ARHGAP10: variants seen among roughly 807,000 people sequenced by gnomAD.
ARHGAP10 encodes the protein Rho GTPase activating protein 10, also known as rho GTPase-activating protein 10.
In ARHGAP10, 87 loss-of-function variants were observed where a neutral mutation model predicts 108.6. The ratio of observed to expected loss-of-function variants is 0.80; its 90% CI spans 0.67 to 0.96. The LOEUF (loss-of-function observed/expected upper bound fraction) is 0.96. Ranked by LOEUF, ARHGAP10 falls within the 40% of genes least tolerant of loss-of-function variation. ARHGAP10 has a pLI of 0.00. For synonymous variants in ARHGAP10, 347 were observed against 341.1 expected (o/e 1.02, Z -0.19); for missense variants, 939 against 954.5 (o/e 0.98, Z 0.21).
intron 13 of ARHGAP10, among the ~76,000 whole-genome samples, chr4:147,928,297 T>A (rs1224484858): frequency 6.6e-6 from 1 of 152,176 alleles, no homozygotes; most frequent in Non-Finnish European, 1.5e-5. Context: ...ACTTTTCTCC[T>A]GGGATGGGAC....
At position 147,985,511 on chromosome 4, in the gene ARHGAP10, GA is replaced by G. The variant is rs144047341; in HGVS notation, c.1716+18673del. 3.9e-3 allele frequency among the ~76,000 whole-genome samples: 599 copies of G among 152,258 alleles called. 5 individuals carry two copies. The highest frequency in any genetic ancestry group is 0.013 in the African/African-American group (558 of 41,546). ...TACAGCGACTCTCCTCTTACTTTTG[GA>G]CCTGTGATGGGGGAGAGCACAATTC... is the stretch of plus-strand genomic sequence containing the variant. On this transcript the variant is annotated intron_variant, in intron 18 of 22. Transcript: ENST00000336498.
At chr4:148,070,104 A>T (rs994358574) in intron 22 of ARHGAP10, among the ~76,000 whole-genome samples, 2 of 152,158 alleles carry the variant, frequency 1.3e-5, no homozygotes, top group Non-Finnish European at 2.9e-5. Flanking sequence ...GTCTCATGTT[A>T]TATGTGTTAC....
intron 1 of ARHGAP10, among the ~76,000 whole-genome samples, chr4:147,771,794 T>C (rs1336741499): frequency 6.6e-6 from 1 of 151,486 alleles, no homozygotes; most frequent in African/African-American, 2.4e-5. Context: ...ACTAAATTAG[T>C]ATTTTTTTCT....
chr4:147,953,158 T>A (rs1040056895), intron 15 of ARHGAP10, among the ~76,000 whole-genome samples: 1 of 152,016 alleles, frequency 6.6e-6, no homozygotes, highest in Non-Finnish European at 1.5e-5. Flanking sequence ...TTGTGGAATT[T>A]GATTTAGTAA....
intron 3 of ARHGAP10, among the ~76,000 whole-genome samples, chr4:147,829,276 T>G (rs139768682): frequency 1.4e-3 from 212 of 152,018 alleles, no homozygotes; most frequent in African/African-American, 4.8e-3. Flanking sequence ...TTGGTCTCGA[T>G]CTCCTGACCT....
At chr4:147,844,150 G>A (rs1438100660) in intron 3 of ARHGAP10, among the ~76,000 whole-genome samples, 2 of 152,030 alleles carry the variant, frequency 1.3e-5, no homozygotes, top group Non-Finnish European at 2.9e-5. Context: ...TTTCCCTGTT[G>A]CAGTAAATAG....
At chr4:147,811,597 A>AAAAC (rs1732021893) in intron 1 of ARHGAP10, among the ~76,000 whole-genome samples, 1 of 151,938 alleles carries the variant, frequency 6.6e-6, no homozygotes, top group African/African-American at 2.4e-5. Context: ...TTTTAAAAAA[A>AAAAC]AAAAACAAAA....
intron 14 of ARHGAP10, among the ~76,000 whole-genome samples, chr4:147,944,753 TC>T (rs1165665959): frequency 6.6e-6 from 1 of 152,164 alleles, no homozygotes; most frequent in African/African-American, 2.4e-5. Flanking sequence ...AATAGTCTTT[TC>T]CATGAACCTC....
intron 10 of ARHGAP10, among the ~76,000 whole-genome samples, chr4:147,892,105 G>C (rs1735814140): frequency 6.6e-6 from 1 of 152,090 alleles, no homozygotes; most frequent in Admixed American, 6.6e-5. Context: ...CATTTTGCCT[G>C]GTTCCCATAT....
chr4:147,858,357 T>G (rs1579124262), intron 5 of ARHGAP10: 1 of 152,182 alleles, frequency 6.6e-6, no homozygotes, highest in Non-Finnish European at 1.5e-5. Flanking sequence ...TTTTTTCTTG[T>G]TTTTTTAACA....
intron 18 of ARHGAP10, among the ~76,000 whole-genome samples, chr4:147,996,713 A>G (rs950284544): frequency 6.6e-6 from 1 of 152,226 alleles, no homozygotes; most frequent in Non-Finnish European, 1.5e-5. Flanking sequence ...CATATGTTGA[A>G]GCCCTAACTT....
chr4:147,860,825 T>C (rs140051470), intron 5 of ARHGAP10, among the ~76,000 whole-genome samples: 1,626 of 152,360 alleles, frequency 0.011, 29 homozygotes, highest in African/African-American at 0.037. Flanking sequence ...TGAAATTGTG[T>C]ATTTGTTAAA....
chr4:147,746,768 A>G (rs1321710892), intron 1 of ARHGAP10, among the ~76,000 whole-genome samples: 1 of 152,164 alleles, frequency 6.6e-6, no homozygotes, highest in African/African-American at 2.4e-5. Flanking sequence ...CACCTGTTTC[A>G]TGACAGAGGA....
chr4:147,852,648 G>A lies in ARHGAP10; in HGVS notation c.385-4905G>A, dbSNP rs147162744. ...AAGGAAGCCAGTTTTACCATGGGCC[G>A]ATTGACGTAAACAAAAGTTTTTATG... On this transcript the variant is annotated intron_variant, in intron 4 of 22. Transcript: ENST00000336498. Among the ~76,000 whole-genome samples, 756 of 150,910 alleles carry A rather than the reference G, an allele frequency of 5.0e-3. 6 individuals carry two copies. Among genetic ancestry groups the A allele is most frequent in the Non-Finnish European group, 8.2e-3 (555 of 67,850 alleles).
At chr4:148,059,606 G>A (rs571146634) in intron 20 of ARHGAP10, among the ~76,000 whole-genome samples, 1 of 151,806 alleles carries the variant, frequency 6.6e-6, no homozygotes, top group East Asian at 1.9e-4. Context: ...ATGTTCTTTG[G>A]GAAAAAGCTG....
chr4:148,036,213 A>G (rs917012743), intron 19 of ARHGAP10, among the ~76,000 whole-genome samples: 5 of 152,044 alleles, frequency 3.3e-5, no homozygotes, highest in Admixed American at 1.3e-4. Context: ...AAATATCTCA[A>G]TTTTAATTTT....
At position 147,741,794 on chromosome 4, in the gene ARHGAP10, A is replaced by ACACACG. The variant is rs1728679252; in HGVS notation, c.154+9344_154+9345insGCACAC. ...CACACACACACACACACACACACGC[A>ACACACG]CACACACACACACACACACACACAC... On this transcript the variant is annotated intron_variant, in intron 1 of 22. Coordinates refer to ENST00000336498, the MANE Select transcript of ARHGAP10 (RefSeq NM_024605.4). Among the ~76,000 whole-genome samples the ACACACG allele has an allele frequency of 1.2e-4, 3 of 25,310 alleles. No homozygotes were observed. The East Asian group carries it at 4.4e-3, about 37-fold the overall frequency. The allele number at this position is 25,310 out of a possible 152,430, so 16.6% of individuals were successfully genotyped here. A position where few individuals can be genotyped will look rare whatever the true frequency, so the allele number is the denominator to read the frequency against.
At position 147,867,636 on chromosome 4, in the gene ARHGAP10, C is replaced by T. The variant is rs905812392; in HGVS notation, c.702+820C>T. On this transcript the variant is annotated intron_variant, in intron 7 of 22. Coordinates refer to ENST00000336498, the MANE Select transcript of ARHGAP10 (RefSeq NM_024605.4). Reference sequence around the variant, plus strand: ...ATCCCAGCACTTTGGGAGGCCTAGGCGGGCAGATCGCGAGGTCAAGAGATT... The same window carrying T: ...ATCCCAGCACTTTGGGAGGCCTAGGTGGGCAGATCGCGAGGTCAAGAGATT... Among the ~76,000 whole-genome samples the T allele has an allele frequency of 6.6e-5, 10 of 152,110 alleles. No individual in the cohort carries two copies. The South Asian group carries it at 1.2e-3, about 19-fold the overall frequency.
chr4:147,824,283 C>G (rs1732617012), intron 3 of ARHGAP10, among the ~76,000 whole-genome samples: 1 of 151,568 alleles, frequency 6.6e-6, no homozygotes, highest in African/African-American at 2.4e-5. Flanking sequence ...GAGTGAACCA[C>G]TGCACTCCAA....
Sources: gnomAD v4.1 joint callset for allele counts (sites outside exome capture counted in the v4.1 genomes callset) on GRCh38, gnomAD v4.1.1 for gene constraint, MANE v1.5 for transcripts, NCBI Gene and HGNC (gene_info 2026-07-23, HGNC 2026-07-21) for gene names.